SNAP23: variants seen among roughly 807,000 people sequenced by gnomAD.
SNAP23 encodes the protein synaptosome associated protein 23.
In SNAP23, 11 loss-of-function variants were observed where a neutral mutation model predicts 29.0. That is an observed-to-expected ratio of 0.38 (90% confidence interval 0.24 to 0.63). The LOEUF (loss-of-function observed/expected upper bound fraction) is 0.63, where lower values mean the gene tolerates loss of function less well. Ranked by LOEUF, SNAP23 falls within the 20% of genes least tolerant of loss-of-function variation. SNAP23 has a pLI of 0.58. For synonymous variants in SNAP23, 60 were observed against 82.9 expected, an observed-to-expected ratio of 0.72 and a Z score of 1.50; for missense variants, 220 against 253.9, an observed-to-expected ratio of 0.87 and a Z score of 0.91.
chr15:42,523,696 G>C (rs1410709207), intron 5 of SNAP23, among the ~76,000 whole-genome samples: 1 of 152,210 alleles, frequency 6.6e-6, no homozygotes, highest in Non-Finnish European at 1.5e-5. Flanking sequence ...CAAAGAAAGG[G>C]ATGCTCTGAC....
At chr15:42,524,477 A>C (rs569709369) in intron 5 of SNAP23, among the ~76,000 whole-genome samples, 1 of 152,260 alleles carries the variant, frequency 6.6e-6, no homozygotes, top group East Asian at 1.9e-4. Flanking sequence ...CTCTCAGATC[A>C]GCAGTGGCAT....
chr15:42,506,685 T>C (rs948400868), intron 1 of SNAP23, among the ~76,000 whole-genome samples: 6 of 152,252 alleles, frequency 3.9e-5, no homozygotes, highest in Non-Finnish European at 5.9e-5. Context: ...TAAAATTTCA[T>C]GGTCTTATAG....
At chr15:42,513,300 C>T (rs1158994279) in intron 3 of SNAP23, 99 bp from the exon 4 acceptor site, 6 of 1,084,762 alleles carry the variant, frequency 5.5e-6, no homozygotes, top group African/African-American at 3.1e-5. Flanking sequence ...CCTCTGAGAG[C>T]TTGGGTTTCT....
chr15:42,530,581 C>T (rs532755460), intron 7 of SNAP23, among the ~76,000 whole-genome samples: 5 of 152,112 alleles, frequency 3.3e-5, no homozygotes, highest in African/African-American at 4.8e-5. Context: ...GACCTCGACT[C>T]TACTAAAAAA....
intron 4 of SNAP23, 101 bp downstream of exon 4, chr15:42,513,548 C>A: frequency 1.2e-6 from 1 of 866,610 alleles, no homozygotes; most frequent in Non-Finnish European, 1.9e-6. Context: ...AGAGCCTTCC[C>A]TTTGTAAAAT....
intron 1 of SNAP23, among the ~76,000 whole-genome samples, chr15:42,502,526 A>AATAAATAG (rs1487515036): frequency 6.6e-6 from 1 of 152,124 alleles, no homozygotes; most frequent in African/African-American, 2.4e-5. Context: ...TACCTAAATA[A>AATAAATAG]ATAAATAAAT....
chr15:42,495,648 T>G lies in SNAP23; in HGVS notation c.-80T>G, dbSNP rs2057212561. On this transcript the variant is annotated 5_prime_UTR_variant, in exon 1 of 8. Transcript: ENST00000249647. ...TCGGCGCGCGCAGGCGCGACTAGGGTGCAGCGCCAGGTCCGGTGTTGGGGT... is the reference window on the plus strand; with the variant it reads ...TCGGCGCGCGCAGGCGCGACTAGGGGGCAGCGCCAGGTCCGGTGTTGGGGT... The G allele has an allele frequency of 6.6e-6, 1 of 152,316 alleles. No homozygotes were observed. The allele number at this position is 152,316 out of a possible 1,614,324, so 9.4% of individuals were successfully genotyped here.
At chr15:42,506,091 G>A (rs988757193) in intron 1 of SNAP23, among the ~76,000 whole-genome samples, 2 of 149,078 alleles carry the variant, frequency 1.3e-5, no homozygotes, top group South Asian at 2.1e-4. Flanking sequence ...GACTACAGGC[G>A]CCCACCACCA....
chr15:42,513,432 C>G lies in SNAP23; in HGVS notation c.133C>G (p.Leu45Val), dbSNP rs2057373926. The G allele has an allele frequency of 6.2e-7, 1 of 1,613,336 alleles. No homozygotes were observed. Among genetic ancestry groups the G allele is most frequent in the Non-Finnish European group, 8.5e-7 (1 of 1,179,348 alleles). ...QDAGIKTITM[L>V]DEQKEQLNRI... ...TGCAGGAATCAAGACCATCACTATG[C>G]TGGATGAACAAAAGGGTAAGTTAAA... is the stretch of plus-strand genomic sequence containing the variant. The change falls in exon 4 of 8, where the codon CTG becomes GTG. Residue 45 changes from leucine to valine, a missense_variant. Physicochemically the swap from Leu to Val is conservative, Grantham distance 32. Coordinates refer to ENST00000249647, the MANE Select transcript of SNAP23 (RefSeq NM_003825.4).
chr15:42,513,043 C>A, intron 3 of SNAP23, 47 bp downstream of exon 3: 1 of 1,303,642 alleles, frequency 7.7e-7, no homozygotes, highest in Non-Finnish European at 1.1e-6. Flanking sequence ...TTTATAGGAG[C>A]GATCCTAATA....
At chr15:42,510,325 G>C (rs2057350292) in intron 1 of SNAP23, among the ~76,000 whole-genome samples, 1 of 151,918 alleles carries the variant, frequency 6.6e-6, no homozygotes, top group Admixed American at 6.6e-5. Context: ...TGGTAGAGAT[G>C]GGGTTTTGCC....
intron 5 of SNAP23, among the ~76,000 whole-genome samples, chr15:42,525,994 G>A (rs1032263329): frequency 3.9e-5 from 6 of 152,194 alleles, no homozygotes; most frequent in African/African-American, 1.4e-4. Context: ...TTCCTTAATA[G>A]ACCAGAACCC....
chr15:42,515,865 G>T (rs1245884825), intron 5 of SNAP23, among the ~76,000 whole-genome samples: 1 of 152,178 alleles, frequency 6.6e-6, no homozygotes, highest in African/African-American at 2.4e-5. Flanking sequence ...ACTGATAAAG[G>T]TTGGGTTGGA....
chr15:42,504,234 CG>C, intron 1 of SNAP23, among the ~76,000 whole-genome samples: 1 of 151,724 alleles, frequency 6.6e-6, no homozygotes, highest in Non-Finnish European at 1.5e-5. Flanking sequence ...CCCAGCTACT[CG>C]GGAGACTGGG....
chr15:42,503,048 T>A (rs2057287667), intron 1 of SNAP23, among the ~76,000 whole-genome samples: 3 of 152,134 alleles, frequency 2.0e-5, no homozygotes, highest in Admixed American at 2.0e-4. Flanking sequence ...CTCAGCTTCC[T>A]GAGTAGCTGG....
chr15:42,504,801 C>G (rs536040286), intron 1 of SNAP23, among the ~76,000 whole-genome samples: 2 of 152,300 alleles, frequency 1.3e-5, no homozygotes, highest in African/African-American at 4.8e-5. Context: ...TGCTGGAATT[C>G]CCACTCACCC....
chr15:42,526,324 G>A (rs558095950), intron 5 of SNAP23, among the ~76,000 whole-genome samples: 1 of 151,968 alleles, frequency 6.6e-6, no homozygotes, highest in South Asian at 2.1e-4. Context: ...ATTTAACATG[G>A]CTTCTTAATA....
intron 7 of SNAP23, 51 bp downstream of exon 7, chr15:42,529,870 C>G: frequency 6.3e-7 from 1 of 1,581,652 alleles, no homozygotes; most frequent in South Asian, 1.1e-5. Flanking sequence ...TTCAGTGTTT[C>G]AGTAATAGAC....
At chr15:42,513,716 T>C (rs1420656967) in intron 4 of SNAP23, among the ~76,000 whole-genome samples, 3 of 152,174 alleles carry the variant, frequency 2.0e-5, no homozygotes, top group African/African-American at 7.2e-5. Context: ...CCTTAGACAT[T>C]ATGATAGTAA....
Sources: gnomAD v4.1 joint callset for allele counts (sites outside exome capture counted in the v4.1 genomes callset) on GRCh38, gnomAD v4.1.1 for gene constraint, MANE v1.5 for transcripts, NCBI Gene and HGNC (gene_info 2026-07-23, HGNC 2026-07-21) for gene names.